CELF2: variants seen among roughly 807,000 people sequenced by gnomAD.
The protein encoded by CELF2 is CUG triplet repeat RNA-binding protein 2.
Under a neutral mutation model 62.6 loss-of-function variants are expected in CELF2, and 8 were observed. The ratio of observed to expected loss-of-function variants is 0.13; its 90% CI spans 0.07 to 0.23. The LOEUF (loss-of-function observed/expected upper bound fraction) is 0.23. CELF2 is among the 10% of genes least tolerant of loss of function. The pLI is 1.00. For missense variants in CELF2, 333 were observed against 671.0 expected, an observed-to-expected ratio of 0.50 and a Z score of 5.56; for synonymous variants, 258 against 250.0, an observed-to-expected ratio of 1.03 and a Z score of -0.30.
At chr10:10,629,637 A>C in the CELF2 span, among the ~76,000 whole-genome samples, 10 of 152,142 alleles carry the variant, frequency 6.6e-5, no homozygotes, top group Non-Finnish European at 1.3e-4. Flanking sequence ...AAACTGAGAT[A>C]CTTCAGGAAT....
At chr10:10,834,340 A>G (rs9633776) in intron 1 of CELF2, among the ~76,000 whole-genome samples, 116,086 of 152,042 alleles carry the variant, frequency 0.76, 45,228 homozygotes, top group East Asian at 0.96. Context: ...GGAGAGGCTC[A>G]GGAAAAATAA....
chr10:11,220,473 A>G lies in CELF2; in HGVS notation c.354+2966A>G, dbSNP rs144199907. The stretch of plus-strand genomic sequence containing the variant: ...TTGATTTAAAGGCACCCTCCTTTAC[A>G]TGTCAGGAATGAATTTTAGAAACCC... On this transcript the variant is annotated intron_variant, in intron 3 of 12. Coordinates refer to ENST00000633077, the MANE Select transcript of CELF2 (RefSeq NM_001326342.2). This position sits in a 1 kb window ranked among gnomAD's most constrained non-coding sequence, Gnocchi z 4.4. 2.0e-5 allele frequency among the ~76,000 whole-genome samples: 3 copies of G among 152,144 alleles called. No individual in the cohort carries two copies. Among genetic ancestry groups the G allele is most frequent in the Non-Finnish European group, 4.4e-5 (3 of 68,018 alleles).
chr10:10,579,523 G>A, the CELF2 span, among the ~76,000 whole-genome samples: 2 of 152,058 alleles, frequency 1.3e-5, no homozygotes, highest in Non-Finnish European at 2.9e-5. Context: ...CCCCCGGGCT[G>A]TTATATACCA....
chr10:11,087,950 C>T (rs1363603526), intron 1 of CELF2, among the ~76,000 whole-genome samples: 12 of 152,228 alleles, frequency 7.9e-5, no homozygotes, highest in Admixed American at 7.9e-4. Flanking sequence ...TAACTGTTTT[C>T]CTGCCAATGA....
chr10:10,766,828 G>C, the CELF2 span, among the ~76,000 whole-genome samples: 2 of 152,210 alleles, frequency 1.3e-5, no homozygotes, highest in Non-Finnish European at 2.9e-5. Flanking sequence ...ACTGCCATAA[G>C]ACATGAAAGT....
intron 1 of CELF2, among the ~76,000 whole-genome samples, chr10:11,009,368 C>T (rs904344712): frequency 1.1e-4 from 16 of 151,806 alleles, no homozygotes; most frequent in East Asian, 3.9e-4. Context: ...TGTGTGCGTG[C>T]GCGCGTCGGA....
intron 2 of CELF2, among the ~76,000 whole-genome samples, chr10:11,192,535 C>G (rs1470695321): frequency 6.6e-6 from 1 of 152,242 alleles, no homozygotes; most frequent in African/African-American, 2.4e-5. Flanking sequence ...CCTGGGAAGT[C>G]AGGCACCCTG....
the CELF2 span, among the ~76,000 whole-genome samples, chr10:10,491,253 C>A: frequency 6.6e-6 from 1 of 152,122 alleles, no homozygotes; most frequent in African/African-American, 2.4e-5. Context: ...ATATTTTTTT[C>A]AGTGTGTTTC....
At chr10:10,520,615 G>A in the CELF2 span, among the ~76,000 whole-genome samples, 1 of 152,144 alleles carries the variant, frequency 6.6e-6, no homozygotes, top group Non-Finnish European at 1.5e-5. Context: ...AGAGAATAGG[G>A]CAGGCGTAAT....
Position 11,319,564 on chromosome 10 carries a change from TAATA to T in CELF2, c.1097-1624_1097-1621del, listed in dbSNP as rs991056267. ...TAATGAAAATCTCAATGATTTTCAT[TAATA>T]GATAGACCCCTTCATAATGAGAAAC... On this transcript the variant is annotated intron_variant, in intron 10 of 12. Coordinates refer to ENST00000633077, the MANE Select transcript of CELF2 (RefSeq NM_001326342.2). The surrounding 1 kb of genome is among the most constrained non-coding windows in gnomAD (Gnocchi z 4.4). Among the ~76,000 whole-genome samples the T allele has an allele frequency of 1.3e-5, 2 of 152,110 alleles. No homozygotes were observed. The highest frequency in any genetic ancestry group is 2.9e-5 in the Non-Finnish European group (2 of 68,016).
the CELF2 span, among the ~76,000 whole-genome samples, chr10:10,653,178 A>C: frequency 6.6e-6 from 1 of 152,220 alleles, no homozygotes; most frequent in African/African-American, 2.4e-5. Flanking sequence ...TCTCCTAAAT[A>C]TATATGCACC....
chr10:10,949,701 T>C (rs1166293771), intron 2 of CELF2, among the ~76,000 whole-genome samples: 1 of 151,616 alleles, frequency 6.6e-6, no homozygotes, highest in Non-Finnish European at 1.5e-5. Flanking sequence ...CTAGGGAAGC[T>C]GAGGCATGAG....
chr10:11,288,943 A>G (rs142876604), intron 9 of CELF2, among the ~76,000 whole-genome samples: 28 of 152,302 alleles, frequency 1.8e-4, no homozygotes, highest in African/African-American at 6.7e-4. Flanking sequence ...CAAAATTCCT[A>G]GTCATTCCCA....
At chr10:11,007,532 T>C (rs953145895) in intron 1 of CELF2, among the ~76,000 whole-genome samples, 1 of 152,200 alleles carries the variant, frequency 6.6e-6, no homozygotes, top group Non-Finnish European at 1.5e-5. Context: ...TTTTTTAAGT[T>C]ATCGGTTGTG....
chr10:10,616,655 G>A, the CELF2 span, among the ~76,000 whole-genome samples: 1 of 149,692 alleles, frequency 6.7e-6, no homozygotes, highest in East Asian at 2.0e-4. Flanking sequence ...GCAAAACAGT[G>A]CTTCCTCCTC....
the CELF2 span, among the ~76,000 whole-genome samples, chr10:10,749,308 T>C: frequency 6.6e-6 from 1 of 152,322 alleles, no homozygotes; most frequent in East Asian, 1.9e-4. Flanking sequence ...ACAGAAGGCA[T>C]ATCACCTTCT....
intron 1 of CELF2, among the ~76,000 whole-genome samples, chr10:10,918,260 T>C (rs978262064): frequency 6.6e-6 from 1 of 152,136 alleles, no homozygotes; most frequent in African/African-American, 2.4e-5. Context: ...TATCCACAAT[T>C]CCAGATTCTG....
chr10:11,176,956 A>G (rs2071411269), intron 2 of CELF2, among the ~76,000 whole-genome samples: 1 of 152,146 alleles, frequency 6.6e-6, no homozygotes, highest in South Asian at 2.1e-4. Context: ...CAGAATGTCT[A>G]AGCATCCTGC....
At chr10:10,969,013 C>G (rs546738200) in intron 2 of CELF2, among the ~76,000 whole-genome samples, 1 of 152,178 alleles carries the variant, frequency 6.6e-6, no homozygotes, top group South Asian at 2.1e-4. Flanking sequence ...CTTGCTTTTT[C>G]TGATAGGGAT....
Sources: allele counts gnomAD v4.1 joint callset (sites outside exome capture counted in the v4.1 genomes callset), GRCh38; gene constraint gnomAD v4.1.1; non-coding constraint Gnocchi (gnomAD v3.1); transcripts MANE v1.5; gene names NCBI Gene and HGNC (gene_info 2026-07-23, HGNC 2026-07-21).